Variants in PARM1 observed in about 807,000 individuals in gnomAD.
PARM1 encodes WSC4, cell wall integrity and stress response component 4 homolog.
Under a neutral mutation model 24.6 loss-of-function variants are expected in PARM1, and 14 were observed. That is an observed-to-expected ratio of 0.57 (90% CI 0.38 to 0.89). The LOEUF (loss-of-function observed/expected upper bound fraction) is 0.89. PARM1 is among the 40% of genes least tolerant of loss of function. The pLI, the probability that PARM1 is intolerant of heterozygous loss-of-function variation, is 0.00. For synonymous variants in PARM1, 179 were observed against 156.6 expected (o/e 1.14, Z -1.07); for missense variants, 362 against 380.4 (o/e 0.95, Z 0.40).
chr4:75,019,047 G>C lies in PARM1; in HGVS notation c.769+5897G>C, dbSNP rs146824759. On this transcript the variant is annotated intron_variant, in intron 2 of 3. Coordinates refer to ENST00000307428, the MANE Select transcript of PARM1 (RefSeq NM_015393.4). ...TGCCCAGTGGGAGGGGAAGCAGATG[G>C]TGGTAGCAGCCATGCAAAATTGGCT... 1.1e-4 allele frequency among the ~76,000 whole-genome samples: 17 copies of C among 152,368 alleles called. No homozygotes were observed. In the East Asian group the frequency reaches 3.3e-3, roughly 29 times the overall value.
At chr4:75,043,230 A>T (rs1181695536) in intron 3 of PARM1, among the ~76,000 whole-genome samples, 1 of 152,152 alleles carries the variant, frequency 6.6e-6, no homozygotes, top group Non-Finnish European at 1.5e-5. Context: ...TCCCAGTGGG[A>T]GGAGGTTCAC....
At chr4:75,034,746 A>G (rs1268131550) in intron 3 of PARM1, 2 of 152,284 alleles carry the variant, frequency 1.3e-5, no homozygotes, top group Non-Finnish European at 2.9e-5. Context: ...GGACAGAAAG[A>G]CACAAGCTGC....
chr4:74,992,150 G>A lies in PARM1; in HGVS notation c.44-20275G>A, dbSNP rs536209862. Among the ~76,000 whole-genome samples, 39 of 152,202 alleles carry A rather than the reference G, an allele frequency of 2.6e-4. 1 individual carries two copies. In the East Asian group the frequency reaches 4.6e-3, roughly 18 times the overall value. On this transcript the variant is annotated intron_variant, in intron 1 of 3. Coordinates refer to ENST00000307428, the MANE Select transcript of PARM1 (RefSeq NM_015393.4). ...GCAGCCACCCTCCAGGGACCTCCCC[G>A]TGTTCAGCTATCAGGAAGGTCCTCA... is the stretch of plus-strand genomic sequence containing the variant.
rs1389313601 is a variant in PARM1, at chr4:75,048,487, TA to T, written c.*2245del. On this transcript the variant is annotated 3_prime_UTR_variant, in exon 4 of 4. Transcript: ENST00000307428. ...TTCAGTTTGGCAAAGGAAAAGCAGA[TA>T]AAAACAGAACATTCCATATGTTTCT... is the stretch of plus-strand genomic sequence containing the variant. 6.6e-6 allele frequency: 1 copy of T among 152,178 alleles called. No homozygotes were observed. The highest frequency in any genetic ancestry group is 1.9e-4 in the East Asian group (1 of 5,190). 9.4% of individuals were successfully genotyped at this position (152,178 alleles called of 1,614,324 possible).
intron 1 of PARM1, among the ~76,000 whole-genome samples, chr4:74,944,966 AT>A (rs2109982140): frequency 6.6e-6 from 1 of 152,350 alleles, no homozygotes; most frequent in South Asian, 2.1e-4. Flanking sequence ...TTTAATAAAA[AT>A]AAGTTAGAAA....
intron 2 of PARM1, among the ~76,000 whole-genome samples, chr4:75,033,273 G>A (rs948917877): frequency 6.6e-6 from 1 of 152,128 alleles, no homozygotes; most frequent in Non-Finnish European, 1.5e-5. Context: ...ATTCAAGAAT[G>A]AAAACTGAAC....
chr4:74,946,376 C>A (rs965765060), intron 1 of PARM1, among the ~76,000 whole-genome samples: 1 of 152,218 alleles, frequency 6.6e-6, no homozygotes, highest in Non-Finnish European at 1.5e-5. Flanking sequence ...AGAGCCTTAT[C>A]ATCTCTTATC....
At chr4:75,027,105 C>T (rs1181608063) in intron 2 of PARM1, among the ~76,000 whole-genome samples, 1 of 152,152 alleles carries the variant, frequency 6.6e-6, no homozygotes, top group African/African-American at 2.4e-5. Context: ...ACAGGCCCAC[C>T]CACCTTAGGC....
At chr4:74,938,447 C>A (rs1465029633) in intron 1 of PARM1, among the ~76,000 whole-genome samples, 2 of 152,138 alleles carry the variant, frequency 1.3e-5, no homozygotes, top group Admixed American at 6.5e-5. Flanking sequence ...TTGTCTTGTT[C>A]ATAAGATATC....
At chr4:75,011,862 G>A (rs965540955) in intron 1 of PARM1, among the ~76,000 whole-genome samples, 4 of 152,062 alleles carry the variant, frequency 2.6e-5, no homozygotes, top group African/African-American at 9.7e-5. Flanking sequence ...CAGCCAGGAG[G>A]TCCATATCCC....
chr4:75,041,495 A>T (rs1440836095), intron 3 of PARM1, among the ~76,000 whole-genome samples: 2 of 152,218 alleles, frequency 1.3e-5, no homozygotes, highest in African/African-American at 4.8e-5. Context: ...GGGCATAGTC[A>T]TAAATAAAGG....
intron 1 of PARM1, chr4:74,969,385 GCACTCAGAATGTTGTATCACC>G (rs1560778991): frequency 1.3e-5 from 2 of 152,182 alleles, no homozygotes; most frequent in Admixed American, 1.3e-4. Context: ...ATATAGTACA[GCACTCAGAATGTTGTATCACC>G]CAAGTTGCAG....
At chr4:74,998,982 A>T (rs1578044868) in intron 1 of PARM1, 1 of 152,410 alleles carries the variant, frequency 6.6e-6, no homozygotes, top group East Asian at 1.9e-4. Flanking sequence ...TTTAAAAATG[A>T]CCACACAACA....
chr4:74,938,708 G>A (rs539962266), intron 1 of PARM1, among the ~76,000 whole-genome samples: 1 of 152,140 alleles, frequency 6.6e-6, no homozygotes, highest in South Asian at 2.1e-4. Flanking sequence ...TAGGGTTGAT[G>A]TAACATTGTA....
At chr4:75,000,166 GA>G (rs1722649722) in intron 1 of PARM1, among the ~76,000 whole-genome samples, 1 of 152,190 alleles carries the variant, frequency 6.6e-6, no homozygotes, top group Non-Finnish European at 1.5e-5. Flanking sequence ...AGCACTTTTA[GA>G]AAATCATTAG....
At chr4:74,988,336 T>C (rs1021832825) in intron 1 of PARM1, among the ~76,000 whole-genome samples, 3 of 152,226 alleles carry the variant, frequency 2.0e-5, no homozygotes, top group African/African-American at 4.8e-5. Context: ...AATGGACACA[T>C]TTATGCAACT....
At chr4:75,020,496 C>T (rs574174748) in intron 2 of PARM1, among the ~76,000 whole-genome samples, 3 of 151,972 alleles carry the variant, frequency 2.0e-5, no homozygotes, top group Non-Finnish European at 2.9e-5. Flanking sequence ...CTCATTTCCC[C>T]CCCCCCGCAC....
chr4:74,957,169 A>T (rs1444557993), intron 1 of PARM1: 1 of 152,220 alleles, frequency 6.6e-6, no homozygotes, highest in Admixed American at 6.5e-5. Context: ...TTTCGGCTCT[A>T]TATCAGCCCT....
At chr4:75,020,854 G>T (rs1388775252) in intron 2 of PARM1, among the ~76,000 whole-genome samples, 1 of 152,128 alleles carries the variant, frequency 6.6e-6, no homozygotes, top group African/African-American at 2.4e-5. Flanking sequence ...CATTCCTCAG[G>T]TCTCAGATCA....
Sources: allele counts gnomAD v4.1 joint callset (sites outside exome capture counted in the v4.1 genomes callset), GRCh38; gene constraint gnomAD v4.1.1; transcripts MANE v1.5; gene names NCBI Gene and HGNC (gene_info 2026-07-23, HGNC 2026-07-21).